Variants in TRPC4AP observed in about 807,000 individuals in gnomAD.
TRPC4AP encodes short transient receptor potential channel 4-associated protein.
In TRPC4AP, 45 loss-of-function variants were observed where a neutral mutation model predicts 99.0. The ratio of observed to expected loss-of-function variants is 0.45; its 90% CI spans 0.36 to 0.58. The LOEUF (loss-of-function observed/expected upper bound fraction) is 0.58, where lower values mean the gene tolerates loss of function less well. Ranked by LOEUF, TRPC4AP falls within the 20% of genes least tolerant of loss-of-function variation. The probability of loss-of-function intolerance (pLI) is 0.00; values close to 1 mark genes in which losing one functional copy is unlikely to be tolerated. For synonymous variants in TRPC4AP, 408 were observed against 385.8 expected (o/e 1.06, Z -0.67); for missense variants, 879 against 985.3 (o/e 0.89, Z 1.44).
In TRPC4AP at chr20:35,002,457, G is replaced by GTT. The variant is rs2082413457; in HGVS notation, c.*687_*688dup. On this transcript the variant is annotated 3_prime_UTR_variant, in exon 19 of 19. Transcript: ENST00000252015. The stretch of plus-strand genomic sequence containing the variant: ...TCTCCATTTAATTGGTTTATTTGCT[G>GTT]TTAATAAATTGGCAACACAAGGAAG... The GTT allele has an allele frequency of 1.3e-5, 5 of 372,882 alleles. No individual in the cohort carries two copies. The highest frequency in any genetic ancestry group is 2.4e-5 in the Non-Finnish European group (5 of 210,934). 23.1% of individuals were successfully genotyped at this position (372,882 alleles called of 1,614,324 possible).
chr20:35,015,224 C>G (rs546314227), intron 10 of TRPC4AP, among the ~76,000 whole-genome samples: 12 of 152,080 alleles, frequency 7.9e-5, no homozygotes, highest in Non-Finnish European at 1.6e-4. Context: ...TGGTCTCGAA[C>G]TCCTGACCTC....
At chr20:35,004,373 G>A in intron 17 of TRPC4AP, 85 bp downstream of exon 17, 3 of 1,189,630 alleles carry the variant, frequency 2.5e-6, no homozygotes, top group Non-Finnish European at 3.7e-6. Context: ...TTCTGGAGTG[G>A]GGGACAGAAA....
chr20:35,061,700 C>T (rs961056460), intron 3 of TRPC4AP, among the ~76,000 whole-genome samples: 3 of 152,100 alleles, frequency 2.0e-5, no homozygotes, highest in African/African-American at 7.2e-5. Context: ...ACATGATAAA[C>T]AAAGTCAATG....
Position 35,092,751 on chromosome 20 carries a change from C to A in TRPC4AP, c.31G>T (p.Gly11Ter). The A allele has an allele frequency of 6.5e-7, 1 of 1,548,530 alleles. No homozygotes were observed. The change falls in exon 1 of 19, where the codon GGA becomes TGA. Residue 11 changes from glycine to a stop codon, truncating the protein, a stop_gained. Coordinates refer to ENST00000252015, the MANE Select transcript of TRPC4AP (RefSeq NM_015638.3). LOFTEE classifies it high-confidence loss of function. ...GCCGACCGTCTCCCTCGGCCGGCTC[C>A]AGACCCAGCCGCTACCGGCGCCGCC... MAAAPVAAGS[G>*]AGRGRRSAAT...
rs374039578 is a variant in TRPC4AP at position 35,044,703 on chromosome 20, G to A, written c.667C>T (p.Arg223Ter). Residue 223 changes from arginine (R) to a stop codon, truncating the protein, a stop_gained, in exon 7 of 19, where the codon CGA becomes TGA. Coordinates refer to ENST00000252015, the MANE Select transcript of TRPC4AP (RefSeq NM_015638.3). LOFTEE classifies it high-confidence loss of function. Reference protein sequence around the residue: ...DILGVKKEMIRLDEVPNLSSL... With the variant: ...DILGVKKEMI ...CTCAGATTGGGGACTTCATCTAGTC[G>A]GATCATTTCCTACAGAAGACAAAAA... The A allele has an allele frequency of 6.2e-7, 1 of 1,613,888 alleles. No individual in the cohort carries two copies. The highest frequency in any genetic ancestry group is 8.5e-7 in the Non-Finnish European group (1 of 1,179,880).
chr20:35,026,012 C>A (rs2083021337), intron 8 of TRPC4AP, among the ~76,000 whole-genome samples: 2 of 152,224 alleles, frequency 1.3e-5, no homozygotes, highest in East Asian at 1.9e-4. Context: ...GGTCCCAATA[C>A]CATTTGTTGA....
rs772420209 is a variant in TRPC4AP, at chr20:35,021,245, T to C, written c.1163A>G (p.Lys388Arg). 1.9e-6 allele frequency: 3 copies of C among 1,613,938 alleles called. No homozygotes were observed. Among genetic ancestry groups the C allele is most frequent in the South Asian group, 1.1e-5 (1 of 91,078 alleles). The stretch of plus-strand genomic sequence containing the variant: ...GCAGAGGACATAGAGCACTTCCAGT[T>C]TGTACATGATCTCATGCATAATCTT... ...SMKIMHEIMY[K>R]LEVLYVLCVL... Residue 388 changes from lysine to arginine, a missense_variant, in exon 9 of 19, where the codon AAA becomes AGA. Physicochemically the swap from Lys to Arg is conservative, Grantham distance 26. Transcript: ENST00000252015.
intron 7 of TRPC4AP, 110 bp from the exon 8 acceptor site, chr20:35,035,418 T>A: frequency 8.9e-7 from 1 of 1,120,466 alleles, no homozygotes; most frequent in Non-Finnish European, 1.2e-6. Context: ...ACTCTGATAG[T>A]AGCTAAAGCT....
chr20:35,053,719 A>T (rs1218480866), intron 5 of TRPC4AP, among the ~76,000 whole-genome samples: 1 of 152,222 alleles, frequency 6.6e-6, no homozygotes, highest in Non-Finnish European at 1.5e-5. Context: ...AAACAAGTAA[A>T]TATCTCATTA....
At chr20:35,020,316 T>C (rs2082855660) in intron 9 of TRPC4AP, among the ~76,000 whole-genome samples, 1 of 152,104 alleles carries the variant, frequency 6.6e-6, no homozygotes. Flanking sequence ...CCAAAGTCTT[T>C]AAAATGGCCT....
intron 6 of TRPC4AP, among the ~76,000 whole-genome samples, chr20:35,047,025 T>C (rs192263301): frequency 8.9e-4 from 136 of 152,220 alleles, no homozygotes; most frequent in South Asian, 2.7e-3. Context: ...TGCACCACCA[T>C]GCTGGGCTAA....
chr20:35,048,501 G>A (rs958202861), intron 6 of TRPC4AP, among the ~76,000 whole-genome samples: 4 of 152,162 alleles, frequency 2.6e-5, no homozygotes, highest in Admixed American at 6.5e-5. Context: ...TTACAGGCAT[G>A]AGCCACCGTG....
At chr20:35,020,445 G>T (rs898166365) in intron 9 of TRPC4AP, among the ~76,000 whole-genome samples, 1 of 151,990 alleles carries the variant, frequency 6.6e-6, no homozygotes, top group Non-Finnish European at 1.5e-5. Context: ...CCTCCCCAGG[G>T]CACTGCCCCC....
chr20:35,017,951 A>C (rs2082792316), intron 9 of TRPC4AP, among the ~76,000 whole-genome samples: 1 of 152,072 alleles, frequency 6.6e-6, no homozygotes, highest in Admixed American at 6.6e-5. Flanking sequence ...CTTTACTAAA[A>C]CCCAGCCTGG....
In TRPC4AP at chr20:35,002,424, T is replaced by TTTAA. The variant is rs1330544493; in HGVS notation, c.*718_*721dup. The stretch of plus-strand genomic sequence containing the variant: ...AGCAGTCATTTTTAAAATAAAGTTA[T>TTTAA]TTAATAGTCTCCATTTAATTGGTTT... On this transcript the variant is annotated 3_prime_UTR_variant, in exon 19 of 19. Transcript: ENST00000252015. The TTTAA allele has an allele frequency of 7.3e-6, 3 of 413,770 alleles. No individual in the cohort carries two copies. Among genetic ancestry groups the TTTAA allele is most frequent in the South Asian group, 1.0e-4 (1 of 9,882 alleles). 25.6% of individuals were successfully genotyped at this position (413,770 alleles called of 1,614,324 possible).
rs200155432 is a variant in TRPC4AP, at chr20:35,047,945, A to C, written c.657+1921T>G. On this transcript the variant is annotated intron_variant, in intron 6 of 18. Transcript: ENST00000252015. ...ACAAGATATGTGCCTGTTCAACTAC[A>C]AAACAAAAAAAAAGAGGATATTCTG... Among the ~76,000 whole-genome samples the C allele has an allele frequency of 4.6e-5, 7 of 152,242 alleles. No individual in the cohort carries two copies. In the East Asian group the frequency reaches 1.4e-3, roughly 29 times the overall value.
rs200386644 is a variant in TRPC4AP, at chr20:35,008,644, G to A, written c.1595+20C>T. 70 of 1,609,698 alleles carry A rather than the reference G, an allele frequency of 4.3e-5. No individual in the cohort carries two copies. The highest frequency in any genetic ancestry group is 1.2e-4 in the South Asian group (11 of 90,638). ...CTCTGCAGCCCCGCAGAATCGGCAG[G>A]TACTTTTCCCCAGACTCACCTGAAA... On this transcript the variant is annotated intron_variant, in intron 13 of 18. Transcript: ENST00000252015.
intron 1 of TRPC4AP, among the ~76,000 whole-genome samples, chr20:35,082,550 G>C (rs2084674891): frequency 6.6e-6 from 1 of 152,168 alleles, no homozygotes. Flanking sequence ...CCAAACTGAT[G>C]AGGTACAACT....
chr20:35,081,631 A>C (rs1449931048), intron 1 of TRPC4AP, among the ~76,000 whole-genome samples: 1 of 152,210 alleles, frequency 6.6e-6, no homozygotes, highest in Non-Finnish European at 1.5e-5. Flanking sequence ...GGGAAATAAT[A>C]CTCAATGTAA....
Sources: gnomAD v4.1 joint callset for allele counts (sites outside exome capture counted in the v4.1 genomes callset) on GRCh38, gnomAD v4.1.1 for gene constraint, MANE v1.5 for transcripts, NCBI Gene and HGNC (gene_info 2026-07-23, HGNC 2026-07-21) for gene names.